Variants in PRDM8 observed in about 807,000 individuals in gnomAD.
PRDM8 encodes PR/SET domain 8.
Under a neutral mutation model 46.5 loss-of-function variants are expected in PRDM8, and 13 were observed. The ratio of observed to expected loss-of-function variants is 0.28; its 90% confidence interval spans 0.18 to 0.44. PRDM8 has a LOEUF of 0.44. PRDM8 is among the 20% of genes least tolerant of loss of function. PRDM8 has a pLI of 1.00. For missense variants in PRDM8, 998 were observed against 955.0 expected (o/e 1.04, Z -0.59); for synonymous variants, 473 against 438.4 (o/e 1.08, Z -0.98).
chr4:80,194,697 A>C (rs533851050), upstream of PRDM8, among the ~76,000 whole-genome samples: 1 of 152,234 alleles, frequency 6.6e-6, no homozygotes, highest in Non-Finnish European at 1.5e-5. Flanking sequence ...GGTCAGATTC[A>C]TAAAATGTGA....
At chr4:80,201,807 G>A in intron 3 of PRDM8, 107 bp from the exon 4 acceptor site, 2 of 1,504,814 alleles carry the variant, frequency 1.3e-6, no homozygotes, top group Non-Finnish European at 1.8e-6. Context: ...GATTTGTCAA[G>A]GGGATGGTGG....
intron 1 of PRDM8, among the ~76,000 whole-genome samples, chr4:80,187,144 TCTC>T (rs957130384): frequency 2.0e-5 from 3 of 152,082 alleles, no homozygotes; most frequent in Admixed American, 1.3e-4. Context: ...TTTATTTTAT[TCTC>T]CTTTTTGCTA....
In PRDM8 at chr4:80,200,103, G is replaced by T; in HGVS notation, c.23G>T (p.Arg8Leu). The change falls in exon 2 of 4, where the codon CGA (arginine) becomes CTA (leucine). Residue 8 changes from arginine to leucine, a missense_variant. Transcript: ENST00000415738. MEDTGIQ[R>L]GIWDGDAKAV... ...GTGATGGAGGATACTGGCATCCAGC[G>T]AGGCATCTGGGATGGAGATGCCAAG... The T allele has an allele frequency of 6.2e-7, 1 of 1,613,634 alleles. No homozygotes were observed. The highest frequency in any genetic ancestry group is 8.5e-7 in the Non-Finnish European group (1 of 1,179,692).
rs1461959738 is a variant in PRDM8, at chr4:80,203,649, A to G, written c.*117A>G. 4.9e-5 allele frequency: 70 copies of G among 1,420,046 alleles called. No individual in the cohort carries two copies. Among genetic ancestry groups the G allele is most frequent in the Non-Finnish European group, 6.1e-5 (66 of 1,084,830 alleles). 88.0% of individuals were successfully genotyped at this position (1,420,046 alleles called of 1,614,324 possible). A position where few individuals can be genotyped will look rare whatever the true frequency, so the allele number is the denominator to read the frequency against. On this transcript the variant is annotated 3_prime_UTR_variant, in exon 4 of 4. Transcript: ENST00000415738. ...ACCCCGAAACCCTGCACAAAGACAC[A>G]TACATTCACCGCCCCCCCGCCCCCC...
Position 80,202,665 on chromosome 4 carries a change from G to A in PRDM8, c.1203G>A (p.Glu401=), listed in dbSNP as rs1482141261. The change falls in exon 4 of 4, where the codon GAG becomes GAA. Residue 401 remains glutamate (E), a synonymous_variant. Coordinates refer to ENST00000415738, the MANE Select transcript of PRDM8 (RefSeq NM_001099403.2). ...CCCGCGCGGCCAGCCTGCAGGAGGAGGGGACAGCCGACGGCGCGGGAGTCG... is the reference window on the plus strand; with the variant it reads ...CCCGCGCGGCCAGCCTGCAGGAGGAAGGGACAGCCGACGGCGCGGGAGTCG... ...KAARAASLQE[E]GTADGAGVAS... 3.4e-6 allele frequency: 5 copies of A among 1,455,600 alleles called. No homozygotes were observed. Among genetic ancestry groups the A allele is most frequent in the Non-Finnish European group, 4.5e-6 (5 of 1,109,060 alleles). The allele number at this position is 1,455,600 out of a possible 1,614,324, so 90.2% of individuals were successfully genotyped here.
chr4:80,200,409 C>A, intron 2 of PRDM8, 110 bp downstream of exon 2: 16 of 925,234 alleles, frequency 1.7e-5, no homozygotes, highest in South Asian at 5.2e-5. Flanking sequence ...TGGAAAAATG[C>A]AATAATGCAA....
rs772463473 is a variant in PRDM8 at position 80,200,198 on chromosome 4, A to G, written c.118A>G (p.Ile40Val). The change falls in exon 2 of 4, where the codon ATA (isoleucine) becomes GTA (valine). Residue 40 changes from isoleucine (I) to valine (V), a missense_variant. Transcript: ENST00000415738. ...CACCTGCGACATCCCTGAGAATGCT[A>G]TATTTGGTCCCTGTGTCCTGAGCCA... is the stretch of plus-strand genomic sequence containing the variant. ...YTTCDIPENA[I>V]FGPCVLSHTS... 7.4e-6 allele frequency: 12 copies of G among 1,613,964 alleles called. No homozygotes were observed. Among genetic ancestry groups the G allele is most frequent in the African/African-American group, 1.3e-5 (1 of 74,904 alleles).
intron 1 of PRDM8, among the ~76,000 whole-genome samples, chr4:80,199,709 ATGTGTGTGTGTG>A (rs34334135): frequency 3.0e-5 from 4 of 132,976 alleles, no homozygotes; most frequent in Non-Finnish European, 4.8e-5. Flanking sequence ...ATATATATAT[ATGTGTGTGTGTG>A]TGTGTGTGTG....
Position 80,200,132 on chromosome 4 carries a change from G to T in PRDM8, c.52G>T (p.Val18Phe), listed in dbSNP as rs772929888. 1 of 1,614,112 alleles carries T rather than the reference G, an allele frequency of 6.2e-7. No individual in the cohort carries two copies. ...RGIWDGDAKA[V>F]QQCLTDIFTS... ...CATCTGGGATGGAGATGCCAAGGCT[G>T]TCCAACAATGTCTGACAGATATTTT... Residue 18 changes from valine (V) to phenylalanine (F), a missense_variant, in exon 2 of 4, where the codon GTC becomes TTC. Coordinates refer to ENST00000415738, the MANE Select transcript of PRDM8 (RefSeq NM_001099403.2).
At chr4:80,196,920 G>A (rs1381973868), upstream of PRDM8, 1 of 985,384 alleles carries the variant, frequency 1.0e-6, no homozygotes, top group African/African-American at 1.7e-5. Context: ...CGGGAAGGCT[G>A]AGCCAAGTTC....
At position 80,203,660 on chromosome 4, in the gene PRDM8, GCCCCCC is replaced by G. The variant is rs534869665; in HGVS notation, c.*130_*135del. On this transcript the variant is annotated 3_prime_UTR_variant, in exon 4 of 4. Transcript: ENST00000415738. ...CTGCACAAAGACACATACATTCACC[GCCCCCC>G]CGCCCCCCCAACGCGCACACACACG... 5.9e-6 allele frequency: 8 copies of G among 1,349,660 alleles called. No individual in the cohort carries two copies. The African/African-American group carries it at 1.7e-4, about 29-fold the overall frequency. 83.6% of individuals were successfully genotyped at this position (1,349,660 alleles called of 1,614,324 possible). A position where few individuals can be genotyped will look rare whatever the true frequency, so the allele number is the denominator to read the frequency against.
intron 1 of PRDM8, among the ~76,000 whole-genome samples, chr4:80,189,286 C>G (rs1381699898): frequency 1.3e-5 from 2 of 152,196 alleles, no homozygotes; most frequent in African/African-American, 2.4e-5. Flanking sequence ...TAACGTGGCA[C>G]CGCGACCCTG....
intron 1 of PRDM8, among the ~76,000 whole-genome samples, chr4:80,186,569 T>C (rs1737107493): frequency 6.6e-6 from 1 of 152,090 alleles, no homozygotes; most frequent in Non-Finnish European, 1.5e-5. Context: ...GGGTCTCCTC[T>C]TTTCTCCCTT....
At chr4:80,190,549 G>C (rs570814685) in intron 1 of PRDM8, among the ~76,000 whole-genome samples, 54 of 152,334 alleles carry the variant, frequency 3.5e-4, no homozygotes, top group African/African-American at 1.3e-3. Context: ...CTGTGTCTGC[G>C]CCTCCTGATA....
At position 80,200,188 on chromosome 4, in the gene PRDM8, T is replaced by C; in HGVS notation, c.108T>C (p.Pro36=). 1 of 1,611,346 alleles carries C rather than the reference T, an allele frequency of 6.2e-7. No individual in the cohort carries two copies. Among genetic ancestry groups the C allele is most frequent in the East Asian group, 2.2e-5 (1 of 44,868 alleles). The change falls in exon 2 of 4, where the codon CCT becomes CCC. Residue 36 remains proline, a synonymous_variant. Coordinates refer to ENST00000415738, the MANE Select transcript of PRDM8 (RefSeq NM_001099403.2). ...FTSVYTTCDI[P]ENAIFGPCVL... ...GCGTTTACACCACCTGCGACATCCC[T>C]GAGAATGCTATATTTGGTCCCTGTG... is the stretch of plus-strand genomic sequence containing the variant.
chr4:80,201,566 G>GAA (rs773432308), intron 3 of PRDM8, 45 bp downstream of exon 3: 24 of 1,578,130 alleles, frequency 1.5e-5, no homozygotes, highest in Non-Finnish European at 2.0e-5. Context: ...ACTAGCGGGG[G>GAA]AGAGACGCAG....
intron 2 of PRDM8, 116 bp downstream of exon 2, chr4:80,200,415 T>C (rs1384605887): frequency 1.0e-5 from 9 of 876,408 alleles, no homozygotes; most frequent in Non-Finnish European, 1.6e-5. Context: ...AATGCAATAA[T>C]GCAAGCAATC....
intron 1 of PRDM8, among the ~76,000 whole-genome samples, chr4:80,185,895 T>C (rs17004832): frequency 0.14 from 21,041 of 152,180 alleles, 1,975 homozygotes; most frequent in African/African-American, 0.27. Context: ...TAATGGAGGG[T>C]CGGGCCAATA....
chr4:80,200,383 A>G, intron 2 of PRDM8, 84 bp downstream of exon 2: 1 of 1,279,022 alleles, frequency 7.8e-7, no homozygotes, highest in Non-Finnish European at 1.1e-6. Context: ...TGACAAGTGG[A>G]GATAGGTTTT....
Sources: allele counts gnomAD v4.1 joint callset (sites outside exome capture counted in the v4.1 genomes callset), GRCh38; gene constraint gnomAD v4.1.1; transcripts MANE v1.5; gene names NCBI Gene and HGNC (gene_info 2026-07-23, HGNC 2026-07-21).